Variants in MTDH observed in about 807,000 individuals in gnomAD.
The protein encoded by MTDH is protein LYRIC.
In MTDH, 34 loss-of-function variants were observed where a neutral mutation model predicts 72.7. The ratio of observed to expected loss-of-function variants is 0.47; its 90% CI spans 0.36 to 0.62. The LOEUF (loss-of-function observed/expected upper bound fraction) is 0.62, where lower values mean the gene tolerates loss of function less well. Ranked by LOEUF, MTDH falls within the 20% of genes least tolerant of loss-of-function variation. The pLI, the probability that MTDH is intolerant of heterozygous loss-of-function variation, is 0.00. For synonymous variants in MTDH, 266 were observed against 268.9 expected (o/e 0.99, Z 0.10); for missense variants, 677 against 699.4 (o/e 0.97, Z 0.36).
In MTDH at chr8:97,645,312, T is replaced by C. The variant is rs143569793; in HGVS notation, c.381+425T>C. On this transcript the variant is annotated intron_variant, in intron 1 of 11. Transcript: ENST00000336273. ...TCGGAAGACAGATGTCTATCTCAAG[T>C]CACATTGAGACAGTAGGCAGTGGAA... Among the ~76,000 whole-genome samples, 535 of 152,240 alleles carry C rather than the reference T, an allele frequency of 3.5e-3. 8 individuals carry two copies. Among genetic ancestry groups the C allele is most frequent in the African/African-American group, 0.012 (498 of 41,526 alleles).
chr8:97,723,856 C>T (rs551117088), intron 11 of MTDH, among the ~76,000 whole-genome samples: 2 of 152,090 alleles, frequency 1.3e-5, no homozygotes, highest in Admixed American at 6.6e-5. Flanking sequence ...ACCTGTAATC[C>T]GAGCACTTTG....
At chr8:97,665,084 C>T (rs1259059949) in intron 2 of MTDH, among the ~76,000 whole-genome samples, 1 of 152,162 alleles carries the variant, frequency 6.6e-6, no homozygotes, top group Non-Finnish European at 1.5e-5. Context: ...TAAAGAAATA[C>T]ATCTTTGATC....
At chr8:97,666,405 C>G (rs2130945567) in intron 2 of MTDH, among the ~76,000 whole-genome samples, 1 of 152,276 alleles carries the variant, frequency 6.6e-6, no homozygotes, top group South Asian at 2.1e-4. Flanking sequence ...TTTTACATAG[C>G]TCAATAAAGA....
Position 97,713,730 on chromosome 8 carries a change from GAAA to G in MTDH, c.1344_1346del (p.Lys451del). On this transcript the variant is annotated inframe_deletion, in exon 9 of 12. Transcript: ENST00000336273. ...CTGGGAAATCCAAAAAGAAAAAAAA[GAAA>G]AAGAAGAAGCAAGGTGAAGATAACT... is the stretch of plus-strand genomic sequence containing the variant. 2 of 1,606,814 alleles carry G rather than the reference GAAA, an allele frequency of 1.2e-6. No individual in the cohort carries two copies. The highest frequency in any genetic ancestry group is 1.7e-6 in the Non-Finnish European group (2 of 1,176,934).
chr8:97,687,297 C>A, intron 3 of MTDH, 132 bp from the exon 4 acceptor site: 1 of 638,828 alleles, frequency 1.6e-6, no homozygotes, highest in Non-Finnish European at 2.4e-6. Context: ...ATATAATCAA[C>A]ACTCTTGGTT....
At chr8:97,685,034 C>G (rs963301050) in intron 2 of MTDH, among the ~76,000 whole-genome samples, 4 of 152,146 alleles carry the variant, frequency 2.6e-5, no homozygotes, top group Non-Finnish European at 5.9e-5. Context: ...GCACTGCAGT[C>G]CAGCCTGGGT....
intron 7 of MTDH, among the ~76,000 whole-genome samples, chr8:97,700,829 T>A (rs746450278): frequency 6.6e-6 from 1 of 152,180 alleles, no homozygotes; most frequent in Non-Finnish European, 1.5e-5. Context: ...CTAGAGTTCA[T>A]GCTCTTAACC....
intron 6 of MTDH, among the ~76,000 whole-genome samples, chr8:97,695,371 C>G (rs1358193070): frequency 6.6e-6 from 1 of 152,088 alleles, no homozygotes; most frequent in Non-Finnish European, 1.5e-5. Context: ...CTCGGCCCCC[C>G]AAAATGCTGG....
chr8:97,699,592 T>C (rs916141644), intron 6 of MTDH, among the ~76,000 whole-genome samples, 162 bp from the exon 7 acceptor site: 1 of 152,242 alleles, frequency 6.6e-6, no homozygotes, highest in African/African-American at 2.4e-5. Context: ...TACCCTCAAT[T>C]CTACTTTTCC....
At chr8:97,678,594 C>CTTTT (rs35895126) in intron 2 of MTDH, among the ~76,000 whole-genome samples, 1,149 of 85,206 alleles carry the variant, frequency 0.013, 35 homozygotes, top group African/African-American at 0.039. Context: ...TTCCTTCCTT[C>CTTTT]TTTTTTTTTT....
intron 2 of MTDH, among the ~76,000 whole-genome samples, chr8:97,684,626 T>C (rs774113760): frequency 4.6e-5 from 7 of 152,234 alleles, no homozygotes; most frequent in South Asian, 2.1e-4. Flanking sequence ...CTGCCTCTGC[T>C]CAACTGTAGT....
At chr8:97,688,550 C>T (rs1563547411) in intron 4 of MTDH, among the ~76,000 whole-genome samples, 1 of 152,204 alleles carries the variant, frequency 6.6e-6, no homozygotes, top group East Asian at 1.9e-4. Context: ...TTTTTAGTGT[C>T]AGAGAAATAG....
chr8:97,649,017 T>C (rs1302365200), intron 1 of MTDH, among the ~76,000 whole-genome samples: 4 of 152,206 alleles, frequency 2.6e-5, no homozygotes, highest in African/African-American at 4.8e-5. Context: ...GATTATGATA[T>C]TGTATTTTTA....
intron 7 of MTDH, 76 bp from the exon 8 acceptor site, chr8:97,706,550 A>G (rs1017364484): frequency 8.7e-6 from 12 of 1,387,064 alleles, no homozygotes; most frequent in Non-Finnish European, 1.1e-5. Flanking sequence ...TTAGTTGAAC[A>G]TAAGGAATTT....
At position 97,644,458 on chromosome 8, in the gene MTDH, G is replaced by A; in HGVS notation, c.-49G>A. On this transcript the variant is annotated 5_prime_UTR_variant, in exon 1 of 12. Transcript: ENST00000336273. ...TCGCTTCCCTCGACTATTCCACTGC[G>A]TCTCCGCGCCCCGGCGTCATCCTGC... 6.6e-7 allele frequency: 1 copy of A among 1,523,784 alleles called. No homozygotes were observed. Among genetic ancestry groups the A allele is most frequent in the Non-Finnish European group, 8.7e-7 (1 of 1,143,688 alleles). 94.4% of individuals were successfully genotyped at this position (1,523,784 alleles called of 1,614,324 possible). A position where few individuals can be genotyped will look rare whatever the true frequency, so the allele number is the denominator to read the frequency against.
At chr8:97,704,958 A>C (rs1036996969) in intron 7 of MTDH, among the ~76,000 whole-genome samples, 5 of 152,230 alleles carry the variant, frequency 3.3e-5, no homozygotes, top group Non-Finnish European at 7.3e-5. Context: ...GGAATAGATC[A>C]GTGGAATAGA....
intron 5 of MTDH, among the ~76,000 whole-genome samples, 158 bp downstream of exon 5, chr8:97,689,261 AAAAT>A (rs1159412093): frequency 3.9e-5 from 6 of 152,292 alleles, no homozygotes; most frequent in African/African-American, 1.4e-4. Context: ...GAGATTTTGG[AAAAT>A]AAATAAAAAG....
chr8:97,681,350 C>T (rs990232887), intron 2 of MTDH, among the ~76,000 whole-genome samples: 2 of 150,720 alleles, frequency 1.3e-5, no homozygotes, highest in Non-Finnish European at 2.9e-5. Context: ...TTGTGGAAGA[C>T]ATCATATGTC....
At chr8:97,696,458 A>C (rs1360251400) in intron 6 of MTDH, among the ~76,000 whole-genome samples, 5 of 152,238 alleles carry the variant, frequency 3.3e-5, no homozygotes, top group Non-Finnish European at 7.3e-5. Flanking sequence ...CTAAATTCTT[A>C]TGTGCAAATG....
Sources: gnomAD v4.1 joint callset for allele counts (sites outside exome capture counted in the v4.1 genomes callset) on GRCh38, gnomAD v4.1.1 for gene constraint, MANE v1.5 for transcripts, NCBI Gene and HGNC (gene_info 2026-07-23, HGNC 2026-07-21) for gene names.